LAMC3: variants seen among roughly 807,000 people sequenced by gnomAD.
LAMC3 encodes laminin subunit gamma 3.
Under a neutral mutation model 173.8 loss-of-function variants are expected in LAMC3, and 128 were observed. The observed-to-expected ratio is 0.74, with a 90% confidence interval of 0.64 to 0.85. LAMC3 has a LOEUF of 0.85. Ranked by LOEUF, LAMC3 falls within the 40% of genes least tolerant of loss-of-function variation. The pLI is 0.00. For synonymous variants in LAMC3, 897 were observed against 909.1 expected, an observed-to-expected ratio of 0.99 and a Z score of 0.24; for missense variants, 2,022 against 2,156.0, an observed-to-expected ratio of 0.94 and a Z score of 1.23.
chr9:131,028,708 CTG>C (rs1459854094), intron 2 of LAMC3, among the ~76,000 whole-genome samples: 1 of 152,244 alleles, frequency 6.6e-6, no homozygotes, highest in South Asian at 2.1e-4. Context: ...CAACCAGGCT[CTG>C]AGCTTCCAGC....
intron 3 of LAMC3, among the ~76,000 whole-genome samples, chr9:131,034,388 C>T (rs975172940): frequency 6.6e-6 from 1 of 152,224 alleles, no homozygotes; most frequent in Non-Finnish European, 1.5e-5. Flanking sequence ...GCGTGGAAGC[C>T]GTGCTACGTG....
intron 1 of LAMC3, among the ~76,000 whole-genome samples, chr9:131,021,554 A>C (rs1189030511): frequency 6.6e-6 from 1 of 152,160 alleles, no homozygotes; most frequent in Non-Finnish European, 1.5e-5. Context: ...TCAACACAGA[A>C]GACTTCTGTG....
chr9:131,085,816 C>A, intron 25 of LAMC3, 93 bp downstream of exon 25: 1 of 1,194,758 alleles, frequency 8.4e-7, no homozygotes, highest in Non-Finnish European at 1.2e-6. Context: ...GCTGACTACT[C>A]CGCACTCACT....
At chr9:131,018,133 G>T (rs930593818) in intron 1 of LAMC3, among the ~76,000 whole-genome samples, 1 of 151,058 alleles carries the variant, frequency 6.6e-6, no homozygotes, top group African/African-American at 2.4e-5. Context: ...GTGGCCCCAA[G>T]ATCTTTTTTT....
intron 11 of LAMC3, among the ~76,000 whole-genome samples, chr9:131,056,161 A>G (rs1280037037): frequency 6.6e-6 from 1 of 151,946 alleles, no homozygotes. Flanking sequence ...GTACCACTGC[A>G]CTCCAGCCTG....
chr9:131,035,321 A>T (rs548451989), intron 3 of LAMC3, among the ~76,000 whole-genome samples: 1 of 152,112 alleles, frequency 6.6e-6, no homozygotes, highest in Admixed American at 6.5e-5. Context: ...TGGTGCTGGC[A>T]TCTGCTTGGC....
At chr9:131,048,305 C>T (rs1371535462) in intron 8 of LAMC3, among the ~76,000 whole-genome samples, 3 of 152,170 alleles carry the variant, frequency 2.0e-5, no homozygotes, top group African/African-American at 4.8e-5. Flanking sequence ...GATCCACCCA[C>T]CTCGGCCTCT....
intron 2 of LAMC3, among the ~76,000 whole-genome samples, chr9:131,031,209 C>A (rs1457066020): frequency 6.6e-6 from 1 of 152,238 alleles, no homozygotes; most frequent in Non-Finnish European, 1.5e-5. Flanking sequence ...AAAGCAGGGG[C>A]TCCTGGGCGG....
At position 131,058,343 on chromosome 9, in the gene LAMC3, C is replaced by T. The variant is rs1442032002; in HGVS notation, c.2158+1196C>T. Reference sequence around the variant, plus strand: ...GTTGAGGCTGGTCTCAAACCTCTAACTTCAAGTGATCCTCCTGCTTCAGCC... The same window carrying T: ...GTTGAGGCTGGTCTCAAACCTCTAATTTCAAGTGATCCTCCTGCTTCAGCC... On this transcript the variant is annotated intron_variant, in intron 12 of 27. Coordinates refer to ENST00000361069, the MANE Select transcript of LAMC3 (RefSeq NM_006059.4). Among the ~76,000 whole-genome samples the T allele has an allele frequency of 3.9e-5, 6 of 152,104 alleles. 1 individual carries two copies. The highest frequency in any genetic ancestry group is 5.9e-5 in the Non-Finnish European group (4 of 67,984).
Position 131,067,096 on chromosome 9 carries a change from T to C in LAMC3, c.2484T>C (p.Ser828=). The C allele has an allele frequency of 6.2e-7, 1 of 1,614,154 alleles. No individual in the cohort carries two copies. The highest frequency in any genetic ancestry group is 2.2e-5 in the East Asian group (1 of 44,872). Residue 828 remains serine (S), a synonymous_variant, in exon 14 of 28, where the codon TCT becomes TCC. Transcript: ENST00000361069. ...CCGTGGGCAACTGTGACCCCCTGTC[T>C]GGCCACTGCCTGCGCTGCCTGCACA... ...PNAVGNCDPL[S]GHCLRCLHNT...
At chr9:131,075,745 GGCCTGTGTAGTAGGGGGCGTAGTTC>G in intron 20 of LAMC3, 61 bp from the exon 21 acceptor site, 1 of 1,440,322 alleles carries the variant, frequency 6.9e-7, no homozygotes, top group South Asian at 1.2e-5. Flanking sequence ...GGCAGCAGGA[GGCCTGTGTAGTAGGGGGCGTAGTTC>G]TGATCCTGGG....
intron 11 of LAMC3, among the ~76,000 whole-genome samples, chr9:131,056,543 C>A (rs568590984): frequency 6.7e-6 from 1 of 149,562 alleles, no homozygotes; most frequent in African/African-American, 2.5e-5. Flanking sequence ...ACATGCAATC[C>A]CAGCACTTTG....
At chr9:131,078,402 A>G (rs11244274) in intron 22 of LAMC3, among the ~76,000 whole-genome samples, 71,378 of 151,916 alleles carry the variant, frequency 0.47, 16,876 homozygotes, top group Non-Finnish European at 0.5. Context: ...TGAGAATGGC[A>G]TGAACCTGGG....
intron 8 of LAMC3, among the ~76,000 whole-genome samples, chr9:131,047,349 C>T (rs897017775): frequency 6.6e-6 from 1 of 151,142 alleles, no homozygotes; most frequent in East Asian, 2.0e-4. Flanking sequence ...ATTTTTAGTA[C>T]AGGTCGGGGG....
Position 131,061,090 on chromosome 9 carries a change from AGGTTTCTAT to A in LAMC3, c.2217_2225del (p.Phe740_Gly742del), listed in dbSNP as rs754954954. 5.0e-6 allele frequency: 8 copies of A among 1,614,136 alleles called. No individual in the cohort carries two copies. The highest frequency in any genetic ancestry group is 6.8e-6 in the Non-Finnish European group (8 of 1,180,030). ...GCCCATCCTGTGAACGCTGTTTGCC[AGGTTTCTAT>A]GGCAACCCTTTCGCGGGCCAAGCCG... On this transcript the variant is annotated inframe_deletion, in exon 13 of 28. Coordinates refer to ENST00000361069, the MANE Select transcript of LAMC3 (RefSeq NM_006059.4).
chr9:131,025,875 G>T (rs1203579301), intron 1 of LAMC3, among the ~76,000 whole-genome samples: 1 of 152,206 alleles, frequency 6.6e-6, no homozygotes, highest in East Asian at 1.9e-4. Context: ...GCAAGGGAAT[G>T]AGGCCGAAGG....
chr9:131,068,911 C>T lies in LAMC3; in HGVS notation c.2751C>T (p.Cys917=). The T allele has an allele frequency of 1.2e-6, 2 of 1,614,044 alleles. No homozygotes were observed. Among genetic ancestry groups the T allele is most frequent in the Non-Finnish European group, 1.7e-6 (2 of 1,180,026 alleles). ...DLQPGRGCRS[C]KCHPLGSQED... is the part of the protein sequence containing the mutation. Reference sequence around the variant, plus strand: ...CCAGTTCCTTCCCTGATCACAGCTGCAAGTGTCACCCACTGGGCTCCCAGG... The same window carrying T: ...CCAGTTCCTTCCCTGATCACAGCTGTAAGTGTCACCCACTGGGCTCCCAGG... The change falls in exon 16 of 28, where the codon TGC becomes TGT. Residue 917 remains cysteine (C), a synonymous_variant. Transcript: ENST00000361069.
At chr9:131,027,567 G>A (rs1833745613) in intron 2 of LAMC3, among the ~76,000 whole-genome samples, 1 of 152,028 alleles carries the variant, frequency 6.6e-6, no homozygotes, top group South Asian at 2.1e-4. Context: ...GATGTGGCCA[G>A]CGCAGTTGAG....
chr9:131,084,598 G>A (rs1430803242), intron 24 of LAMC3, among the ~76,000 whole-genome samples: 1 of 152,100 alleles, frequency 6.6e-6, no homozygotes. Context: ...TAAAATCTAT[G>A]GGAATTCTAA....
Sources: allele counts gnomAD v4.1 joint callset (sites outside exome capture counted in the v4.1 genomes callset), GRCh38; gene constraint gnomAD v4.1.1; transcripts MANE v1.5; gene names NCBI Gene and HGNC (gene_info 2026-07-23, HGNC 2026-07-21).